Variants in HMGCLL1 observed in about 807,000 individuals in gnomAD.
HMGCLL1 encodes 3-hydroxy-3-methylglutaryl-CoA lyase like 1, also known as 3-hydroxymethyl-3-methylglutaryl-CoA lyase, cytoplasmic.
A neutral mutation model predicts 39.1 loss-of-function variants in HMGCLL1; 36 were observed. The observed-to-expected ratio is 0.92, with a 90% CI of 0.71 to 1.22. HMGCLL1 has a LOEUF of 1.22. Ranked by LOEUF, HMGCLL1 falls within the 50% of genes most tolerant of loss-of-function variation. The pLI is 0.00. For synonymous variants in HMGCLL1, 149 were observed against 144.0 expected, an observed-to-expected ratio of 1.03 and a Z score of -0.25; for missense variants, 451 against 416.5, an observed-to-expected ratio of 1.08 and a Z score of -0.72.
chr6:55,445,656 G>T (rs905673671), intron 7 of HMGCLL1, among the ~76,000 whole-genome samples: 2 of 135,804 alleles, frequency 1.5e-5, no homozygotes, highest in African/African-American at 6.0e-5. Flanking sequence ...TGGTGTGCAT[G>T]CATGTGTGTG....
At chr6:55,631,700 T>C in the HMGCLL1 span, among the ~76,000 whole-genome samples, 3 of 152,162 alleles carry the variant, frequency 2.0e-5, no homozygotes, top group African/African-American at 7.2e-5. Flanking sequence ...AATTATATAA[T>C]TTCTCTGTAC....
chr6:55,633,019 A>G, the HMGCLL1 span, among the ~76,000 whole-genome samples: 2 of 152,238 alleles, frequency 1.3e-5, no homozygotes, highest in Middle Eastern at 3.4e-3. Flanking sequence ...AAGAATTTAC[A>G]TGTACAGCAG....
the HMGCLL1 span, among the ~76,000 whole-genome samples, chr6:55,676,840 C>T: frequency 6.6e-6 from 1 of 152,206 alleles, no homozygotes; most frequent in Non-Finnish European, 1.5e-5. Flanking sequence ...TTCAAACTGT[C>T]TATCTTGACT....
At chr6:55,603,636 T>G in the HMGCLL1 span, among the ~76,000 whole-genome samples, 1 of 152,170 alleles carries the variant, frequency 6.6e-6, no homozygotes, top group Non-Finnish European at 1.5e-5. Flanking sequence ...ACAGAAGGTC[T>G]TCTTGGGGAA....
At chr6:55,660,623 G>A in the HMGCLL1 span, among the ~76,000 whole-genome samples, 12 of 152,014 alleles carry the variant, frequency 7.9e-5, no homozygotes, top group African/African-American at 2.7e-4. Context: ...TTCATTGATG[G>A]ACATTTAGGT....
chr6:55,623,639 C>T, the HMGCLL1 span, among the ~76,000 whole-genome samples: 1 of 149,452 alleles, frequency 6.7e-6, no homozygotes, highest in East Asian at 1.9e-4. Context: ...TACATATATA[C>T]ATATATACAC....
At chr6:55,625,103 T>C in the HMGCLL1 span, among the ~76,000 whole-genome samples, 1 of 152,092 alleles carries the variant, frequency 6.6e-6, no homozygotes, top group Admixed American at 6.6e-5. Context: ...CGTGGAGGCC[T>C]CTAGGATTTT....
At chr6:55,627,888 T>TATATATA in the HMGCLL1 span, among the ~76,000 whole-genome samples, 1 of 42,816 alleles carries the variant, frequency 2.3e-5, no homozygotes, top group Non-Finnish European at 4.2e-5. Flanking sequence ...CCCTTATATA[T>TATATATA]ATATATATAT....
At chr6:55,535,541 T>G (rs1410955257) in intron 3 of HMGCLL1, among the ~76,000 whole-genome samples, 1 of 152,148 alleles carries the variant, frequency 6.6e-6, no homozygotes, top group Non-Finnish European at 1.5e-5. Flanking sequence ...AAGAAAATAG[T>G]GTTCTATGCA....
At chr6:55,562,748 T>A (rs1243891684) in intron 1 of HMGCLL1, among the ~76,000 whole-genome samples, 3 of 152,156 alleles carry the variant, frequency 2.0e-5, no homozygotes, top group Admixed American at 6.6e-5. Flanking sequence ...ACAAGGCTGA[T>A]GAAACAGTGC....
intron 3 of HMGCLL1, among the ~76,000 whole-genome samples, chr6:55,534,523 G>A (rs1768899359): frequency 6.6e-6 from 1 of 152,164 alleles, no homozygotes; most frequent in South Asian, 2.1e-4. Flanking sequence ...TTAGATTAAA[G>A]CTGCTATGCT....
At chr6:55,628,555 C>T in the HMGCLL1 span, among the ~76,000 whole-genome samples, 5 of 151,806 alleles carry the variant, frequency 3.3e-5, 1 homozygote, top group South Asian at 6.2e-4. Flanking sequence ...CTGCCCACCT[C>T]GGCCTCTTTC....
At chr6:55,551,024 A>G (rs77263885) in intron 1 of HMGCLL1, among the ~76,000 whole-genome samples, 3,296 of 149,364 alleles carry the variant, frequency 0.022, 141 homozygotes, top group African/African-American at 0.078. Flanking sequence ...TAGTCTATAC[A>G]TCTTAGCCAA....
chr6:55,571,952 A>G (rs966764736), intron 1 of HMGCLL1, among the ~76,000 whole-genome samples: 4 of 152,246 alleles, frequency 2.6e-5, no homozygotes, highest in African/African-American at 9.6e-5. Flanking sequence ...ATAGTCTTAA[A>G]GCACTTAATT....
At chr6:55,517,201 A>G (rs1220253116) in intron 3 of HMGCLL1, among the ~76,000 whole-genome samples, 2 of 152,082 alleles carry the variant, frequency 1.3e-5, no homozygotes, top group Non-Finnish European at 2.9e-5. Flanking sequence ...TAGAGTTTTC[A>G]CCTGAAAAAT....
intron 7 of HMGCLL1, among the ~76,000 whole-genome samples, chr6:55,463,693 CT>C (rs1196417474): frequency 1.3e-5 from 2 of 152,140 alleles, no homozygotes; most frequent in African/African-American, 4.8e-5. Flanking sequence ...CTAGTAACCC[CT>C]AGGCATCTCT....
chr6:55,661,987 T>C, the HMGCLL1 span, among the ~76,000 whole-genome samples: 35 of 151,842 alleles, frequency 2.3e-4, no homozygotes, highest in African/African-American at 8.0e-4. Context: ...TGAATGTCTC[T>C]TGGCTGTGGT....
At chr6:55,448,859 C>T (rs1483800074) in intron 7 of HMGCLL1, among the ~76,000 whole-genome samples, 8 of 152,058 alleles carry the variant, frequency 5.3e-5, no homozygotes, top group Admixed American at 5.2e-4. Context: ...TACTACTGGC[C>T]CCCAGAACAC....
At chr6:55,656,908 T>A in the HMGCLL1 span, among the ~76,000 whole-genome samples, 3 of 151,938 alleles carry the variant, frequency 2.0e-5, no homozygotes, top group Non-Finnish European at 4.4e-5. Context: ...AATGGCTACT[T>A]TGACACTGTA....
Sources: allele counts gnomAD v4.1 joint callset (sites outside exome capture counted in the v4.1 genomes callset), GRCh38; gene constraint gnomAD v4.1.1; transcripts MANE v1.5; gene names NCBI Gene and HGNC (gene_info 2026-07-23, HGNC 2026-07-21).